IGF1: variants seen among roughly 807,000 people sequenced by gnomAD.
The protein encoded by IGF1 is insulin-like growth factor 1.
Under a neutral mutation model 13.8 loss-of-function variants are expected in IGF1, and 4 were observed. The ratio of observed to expected loss-of-function variants is 0.29; its 90% confidence interval spans 0.14 to 0.66. The LOEUF is 0.66. Among genes scored for constraint, IGF1 ranks in the 30% least tolerant of loss-of-function variants. The pLI is 0.78. For synonymous variants in IGF1, 76 were observed against 72.6 expected (o/e 1.05, Z -0.23); for missense variants, 124 against 188.5 (o/e 0.66, Z 2.00).
chr12:102,443,869 G>C (rs1878078084), intron 2 of IGF1, among the ~76,000 whole-genome samples: 1 of 151,806 alleles, frequency 6.6e-6, no homozygotes, highest in Non-Finnish European at 1.5e-5. Flanking sequence ...CTGTCACCTA[G>C]GCTGGAATGT....
intron 2 of IGF1, among the ~76,000 whole-genome samples, chr12:102,430,878 T>C (rs1475342739): frequency 6.6e-6 from 1 of 152,254 alleles, no homozygotes. Flanking sequence ...CCATCACAAA[T>C]TCTTTGCATT....
chr12:102,403,604 A>G (rs1289161825), intron 3 of IGF1, among the ~76,000 whole-genome samples: 1 of 146,310 alleles, frequency 6.8e-6, no homozygotes, highest in Non-Finnish European at 1.5e-5. Flanking sequence ...CCACAGGCGC[A>G]TGCCACCATG....
chr12:102,440,059 G>A (rs904346897), intron 2 of IGF1, among the ~76,000 whole-genome samples: 6 of 152,258 alleles, frequency 3.9e-5, no homozygotes, highest in Non-Finnish European at 7.4e-5. Flanking sequence ...GCAAGGGACC[G>A]GACCTAAGGA....
chr12:102,457,555 GC>G (rs973815043), intron 2 of IGF1, among the ~76,000 whole-genome samples: 1 of 152,122 alleles, frequency 6.6e-6, no homozygotes, highest in African/African-American at 2.4e-5. Context: ...CCTCTACCTA[GC>G]CAAGGACCCA....
intron 2 of IGF1, among the ~76,000 whole-genome samples, chr12:102,451,996 C>T (rs954470572): frequency 9.2e-5 from 14 of 152,160 alleles, no homozygotes; most frequent in African/African-American, 1.2e-4. Flanking sequence ...GGCGCGGTGG[C>T]TCACGCCTGT....
chr12:102,450,306 G>T (rs915369772), intron 2 of IGF1, among the ~76,000 whole-genome samples: 1 of 152,240 alleles, frequency 6.6e-6, no homozygotes. Context: ...CAAAGAGTAA[G>T]AGAGTAGCAT....
intron 2 of IGF1, among the ~76,000 whole-genome samples, chr12:102,420,689 C>T (rs188058249): frequency 1.9e-4 from 29 of 152,244 alleles, no homozygotes; most frequent in Admixed American, 1.7e-3. Flanking sequence ...CAAACTGAAA[C>T]AGTGAACGAA....
chr12:102,438,140 T>C (rs1221173932), intron 2 of IGF1, among the ~76,000 whole-genome samples: 2 of 152,188 alleles, frequency 1.3e-5, no homozygotes, highest in Non-Finnish European at 2.9e-5. Context: ...GATTCCATGA[T>C]CTGAGAAAAC....
At chr12:102,466,998 A>G (rs1880382662) in intron 2 of IGF1, among the ~76,000 whole-genome samples, 1 of 152,174 alleles carries the variant, frequency 6.6e-6, no homozygotes, top group Admixed American at 6.5e-5. Context: ...AGAAAAATCT[A>G]TAGTGTCCTT....
intron 2 of IGF1, among the ~76,000 whole-genome samples, chr12:102,441,915 C>CCTCTTCTTCTTCTTCTTCTTCTTCTT (rs1877798660): frequency 8.2e-6 from 1 of 122,140 alleles, no homozygotes; most frequent in African/African-American, 3.1e-5. Context: ...TGCTTCTTCT[C>CCTCTTCTTCTTCTTCTTCTTCTTCTT]CTTCTTCTTC....
At chr12:102,459,212 A>C (rs2137191348) in intron 2 of IGF1, among the ~76,000 whole-genome samples, 1 of 152,338 alleles carries the variant, frequency 6.6e-6, no homozygotes, top group African/African-American at 2.4e-5. Flanking sequence ...ATACATTAAG[A>C]AAGTCAGATA....
intron 2 of IGF1, among the ~76,000 whole-genome samples, chr12:102,462,572 C>A (rs1879994001): frequency 6.6e-6 from 1 of 152,160 alleles, no homozygotes; most frequent in Non-Finnish European, 1.5e-5. Context: ...GAAATGCCAG[C>A]CAGATTTGTG....
chr12:102,456,597 T>C (rs760861718), intron 2 of IGF1, among the ~76,000 whole-genome samples: 1 of 152,196 alleles, frequency 6.6e-6, no homozygotes, highest in East Asian at 1.9e-4. Flanking sequence ...AGATCTTCCC[T>C]GAAACAAAAG....
chr12:102,431,409 A>C (rs907511158), intron 2 of IGF1, among the ~76,000 whole-genome samples: 1 of 152,192 alleles, frequency 6.6e-6, no homozygotes, highest in Non-Finnish European at 1.5e-5. Flanking sequence ...TTGCAATAAT[A>C]CACTACCAAT....
intron 1 of IGF1, chr12:102,478,377 C>CT (rs67214112): frequency 0.67 from 348,482 of 522,098 alleles, 97,141 homozygotes; most frequent in Admixed American, 0.71. Flanking sequence ...TTTAAAAGTT[C>CT]TTTTTTTTTT....
intron 2 of IGF1, among the ~76,000 whole-genome samples, chr12:102,437,160 A>G (rs2137075611): frequency 6.6e-6 from 1 of 152,368 alleles, no homozygotes; most frequent in Non-Finnish European, 1.5e-5. Context: ...TCACTCATTG[A>G]GAAGTCAACG....
intron 2 of IGF1, among the ~76,000 whole-genome samples, chr12:102,474,447 C>CCCT (rs1880885962): frequency 6.6e-6 from 1 of 152,116 alleles, no homozygotes; most frequent in Non-Finnish European, 1.5e-5. Context: ...ATCGCCAATA[C>CCCT]CCTCACAAGC....
At chr12:102,455,883 G>A (rs766342682) in intron 2 of IGF1, among the ~76,000 whole-genome samples, 20 of 152,118 alleles carry the variant, frequency 1.3e-4, no homozygotes, top group Non-Finnish European at 4.4e-5. Flanking sequence ...CAAGAAGTTG[G>A]TTAACCATAT....
At chr12:102,448,554 G>T (rs867059828) in intron 2 of IGF1, among the ~76,000 whole-genome samples, 10 of 104,716 alleles carry the variant, frequency 9.5e-5, no homozygotes, top group Admixed American at 3.4e-4. Context: ...TGGGGGGAGG[G>T]GGGAGGGATA....
Sources: gnomAD v4.1 joint callset for allele counts (sites outside exome capture counted in the v4.1 genomes callset) on GRCh38, gnomAD v4.1.1 for gene constraint, MANE v1.5 for transcripts, NCBI Gene and HGNC (gene_info 2026-07-23, HGNC 2026-07-21) for gene names.